The following LARS2 variants were observed in gnomAD, a reference collection of about 807,000 sequenced individuals.
LARS2 encodes the protein leucyl-tRNA synthetase 2, mitochondrial.
Under a neutral mutation model 116.6 loss-of-function variants are expected in LARS2, and 81 were observed. The ratio of observed to expected loss-of-function variants is 0.69; its 90% CI spans 0.58 to 0.84. LARS2 has a LOEUF of 0.84. Among genes scored for constraint, LARS2 ranks in the 40% least tolerant of loss-of-function variants. The pLI, the probability that LARS2 is intolerant of heterozygous loss-of-function variation, is 0.00. For synonymous variants in LARS2, 396 were observed against 407.2 expected (o/e 0.97, Z 0.33); for missense variants, 968 against 1,114.5 (o/e 0.87, Z 1.87).
In LARS2 at chr3:45,406,032, A is replaced by T. The variant is rs147462868; in HGVS notation, c.363+5659A>T. On this transcript the variant is annotated intron_variant, in intron 4 of 21. Transcript: ENST00000645846. ...AAAATGTTTGTGAACAGCTCCAATG[A>T]CCCCCACCTAAGGTGATCTAGTTGA... 9.3e-4 allele frequency among the ~76,000 whole-genome samples: 141 copies of T among 151,746 alleles called. 1 individual carries two copies. The East Asian group carries it at 0.02, about 22-fold the overall frequency.
Position 45,449,262 on chromosome 3 carries a change from A to C in LARS2, c.606+2282A>C, listed in dbSNP as rs192271693. ...ACTGCAACCTCCGCCTCCCGGGTTCAAGCAATTCTCCTACCTCAGCCTCCT... is the reference window on the plus strand; with the variant it reads ...ACTGCAACCTCCGCCTCCCGGGTTCCAGCAATTCTCCTACCTCAGCCTCCT... On this transcript the variant is annotated intron_variant, in intron 7 of 21. Coordinates refer to ENST00000645846, the MANE Select transcript of LARS2 (RefSeq NM_015340.4). Among the ~76,000 whole-genome samples, 482 of 149,864 alleles carry C rather than the reference A, an allele frequency of 3.2e-3. 5 individuals carry two copies. Among genetic ancestry groups the C allele is most frequent in the African/African-American group, 0.011 (453 of 40,668 alleles).
intron 14 of LARS2, among the ~76,000 whole-genome samples, chr3:45,497,653 T>A (rs1700037383): frequency 6.6e-6 from 1 of 152,138 alleles, no homozygotes; most frequent in African/African-American, 2.4e-5. Context: ...ACGCCTGTAA[T>A]TCCAGCGCTT....
intron 18 of LARS2, among the ~76,000 whole-genome samples, chr3:45,519,490 C>CA (rs373279726): frequency 0.52 from 54,825 of 105,614 alleles, 16,216 homozygotes; most frequent in East Asian, 0.78. Flanking sequence ...GTCTCCGTCT[C>CA]AAAAAAAAAA....
intron 20 of LARS2, among the ~76,000 whole-genome samples, chr3:45,537,064 T>C (rs1250082909): frequency 6.6e-6 from 1 of 151,962 alleles, no homozygotes; most frequent in Non-Finnish European, 1.5e-5. Context: ...GTCTTTGTCT[T>C]TGTGTGCCTC....
chr3:45,437,681 T>A (rs1409911871), intron 6 of LARS2, among the ~76,000 whole-genome samples: 1 of 152,194 alleles, frequency 6.6e-6, no homozygotes, highest in Non-Finnish European at 1.5e-5. Flanking sequence ...CTGGGTCACT[T>A]ATGCTTGGAT....
chr3:45,453,213 GT>G (rs1462611099), intron 7 of LARS2, among the ~76,000 whole-genome samples: 1 of 151,568 alleles, frequency 6.6e-6, no homozygotes, highest in Non-Finnish European at 1.5e-5. Context: ...CTAATTTTGG[GT>G]TTGGTTTGTT....
intron 6 of LARS2, among the ~76,000 whole-genome samples, chr3:45,431,046 G>A (rs951290646): frequency 1.3e-5 from 2 of 152,088 alleles, no homozygotes; most frequent in Non-Finnish European, 2.9e-5. Flanking sequence ...GATGAAATTA[G>A]TACCCTTATA....
At chr3:45,461,933 T>C (rs1699332538) in intron 8 of LARS2, among the ~76,000 whole-genome samples, 1 of 152,164 alleles carries the variant, frequency 6.6e-6, no homozygotes. Flanking sequence ...TTTGGATTAT[T>C]TGGGAAATTA....
intron 8 of LARS2, among the ~76,000 whole-genome samples, chr3:45,462,603 C>CT (rs2125712168): frequency 6.6e-6 from 1 of 152,256 alleles, no homozygotes; most frequent in South Asian, 2.1e-4. Context: ...CAGGCTTGGG[C>CT]TTTTTAGCTT....
chr3:45,446,178 C>T (rs1408367262), intron 6 of LARS2, among the ~76,000 whole-genome samples: 1 of 152,154 alleles, frequency 6.6e-6, no homozygotes, highest in Admixed American at 6.5e-5. Flanking sequence ...AGAAAAGAAA[C>T]GTGACAGTAT....
chr3:45,476,573 C>T lies in LARS2; in HGVS notation c.964C>T (p.His322Tyr). Residue 322 changes from histidine to tyrosine, a missense_variant, in exon 10 of 22, where the codon CAT (histidine) becomes TAT (tyrosine). By Grantham distance (83) the His-to-Tyr change is moderately conservative. Transcript: ENST00000645846. ...VAISPSHRLL[H>Y]GHSSLKEALR... The stretch of plus-strand genomic sequence containing the variant: ...CATCTCGCCCAGCCACAGACTCCTA[C>T]ATGGGCACAGCTCTCTGAAGGAAGC... The T allele has an allele frequency of 6.2e-7, 1 of 1,614,202 alleles. No homozygotes were observed. Among genetic ancestry groups the T allele is most frequent in the Non-Finnish European group, 8.5e-7 (1 of 1,180,032 alleles).
chr3:45,548,923 C>T lies in LARS2; in HGVS notation c.*1393C>T, dbSNP rs1384850910. The T allele has an allele frequency of 6.6e-6, 1 of 152,164 alleles. No homozygotes were observed. The highest frequency in any genetic ancestry group is 1.5e-5 in the Non-Finnish European group (1 of 68,034). 9.4% of individuals were successfully genotyped at this position (152,164 alleles called of 1,614,324 possible). The stretch of plus-strand genomic sequence containing the variant: ...ACAGATTGAGGTATTCCATCATCAT[C>T]GGAAGCATTGGCTGTGTGTCTGACT... On this transcript the variant is annotated 3_prime_UTR_variant, in exon 22 of 22. Transcript: ENST00000645846.
At chr3:45,403,966 C>T (rs1698195279) in intron 4 of LARS2, among the ~76,000 whole-genome samples, 2 of 152,192 alleles carry the variant, frequency 1.3e-5, no homozygotes, top group African/African-American at 4.8e-5. Context: ...TGAGATAGTG[C>T]TTGTATCTGG....
chr3:45,477,174 T>A (rs1241027062), intron 10 of LARS2, among the ~76,000 whole-genome samples: 2 of 152,216 alleles, frequency 1.3e-5, no homozygotes, highest in Non-Finnish European at 2.9e-5. Context: ...CATATCAAGT[T>A]GTACTTGGTC....
intron 19 of LARS2, 150 bp downstream of exon 19, chr3:45,520,446 A>G: frequency 1.7e-6 from 1 of 598,532 alleles, no homozygotes; most frequent in South Asian, 2.1e-5. Context: ...ATTTTTCCAT[A>G]GTCACAACCT....
At chr3:45,511,828 G>T (rs1700296497) in intron 15 of LARS2, among the ~76,000 whole-genome samples, 1 of 146,026 alleles carries the variant, frequency 6.8e-6, no homozygotes, top group Non-Finnish European at 1.5e-5. Flanking sequence ...CCCAGGCTGG[G>T]GTGCAGTGGC....
intron 7 of LARS2, among the ~76,000 whole-genome samples, chr3:45,456,436 AGCTGGGCGTGGTG>A (rs1435499826): frequency 1.3e-5 from 2 of 152,162 alleles, no homozygotes; most frequent in African/African-American, 4.8e-5. Context: ...TACAAAAATT[AGCTGGGCGTGGTG>A]GTGGGCGCCT....
chr3:45,436,642 A>C (rs1383734540), intron 6 of LARS2, among the ~76,000 whole-genome samples: 5 of 150,916 alleles, frequency 3.3e-5, no homozygotes, highest in African/African-American at 1.2e-4. Context: ...AAAATACAAA[A>C]AATTAGCCGG....
intron 6 of LARS2, 46 bp downstream of exon 6, chr3:45,419,775 C>T (rs775141199): frequency 1.2e-5 from 18 of 1,466,168 alleles, no homozygotes; most frequent in South Asian, 1.0e-4. Context: ...TAAGGAAGGA[C>T]TTGATGGCAG....
Sources: gnomAD v4.1 joint callset for allele counts (sites outside exome capture counted in the v4.1 genomes callset) on GRCh38, gnomAD v4.1.1 for gene constraint, MANE v1.5 for transcripts, NCBI Gene and HGNC (gene_info 2026-07-23, HGNC 2026-07-21) for gene names.